Variants in TMEM266 observed in about 807,000 individuals in gnomAD.
TMEM266 encodes Hv1 related protein 1.
Under a neutral mutation model 50.5 loss-of-function variants are expected in TMEM266, and 33 were observed. That is an observed-to-expected ratio of 0.65 (90% CI 0.50 to 0.87). TMEM266 has a LOEUF of 0.87. Among genes scored for constraint, TMEM266 ranks in the 40% least tolerant of loss-of-function variants. The pLI, the probability that TMEM266 is intolerant of heterozygous loss-of-function variation, is 0.00. For missense variants in TMEM266, 655 were observed against 695.1 expected (o/e 0.94, Z 0.65); for synonymous variants, 310 against 292.3 (o/e 1.06, Z -0.62).
intron 1 of TMEM266, among the ~76,000 whole-genome samples, chr15:76,119,692 A>C (rs1474471671): frequency 5.3e-5 from 8 of 152,124 alleles, no homozygotes; most frequent in Admixed American, 5.2e-4. Context: ...ACTTGAACCC[A>C]GGAGGTGGAG....
intron 5 of TMEM266, among the ~76,000 whole-genome samples, chr15:76,167,199 G>C (rs1262924692): frequency 6.6e-6 from 1 of 152,110 alleles, no homozygotes. Context: ...GGCTGGGCGC[G>C]GTGGCTCATG....
intron 1 of TMEM266, among the ~76,000 whole-genome samples, chr15:76,079,533 T>C (rs1402162386): frequency 6.6e-6 from 1 of 150,382 alleles, no homozygotes; most frequent in African/African-American, 2.4e-5. Flanking sequence ...CTCACGCCTG[T>C]AGTCCCAGAA....
intron 1 of TMEM266, among the ~76,000 whole-genome samples, chr15:76,109,562 T>A (rs77787348): frequency 6.6e-6 from 1 of 152,132 alleles, no homozygotes; most frequent in African/African-American, 2.4e-5. Flanking sequence ...CATGGGAGGC[T>A]GAGGCAGGAG....
chr15:76,114,835 C>A (rs1016276122), intron 1 of TMEM266, among the ~76,000 whole-genome samples: 18 of 152,218 alleles, frequency 1.2e-4, no homozygotes, highest in African/African-American at 4.3e-4. Flanking sequence ...CTCTCTCCCA[C>A]CAGTCCCTGT....
At chr15:76,155,156 C>T (rs1021444965) in intron 3 of TMEM266, among the ~76,000 whole-genome samples, 3 of 152,196 alleles carry the variant, frequency 2.0e-5, no homozygotes, top group Non-Finnish European at 4.4e-5. Flanking sequence ...AGCCTTCACT[C>T]GGGGCCCCAG....
At chr15:76,118,564 A>C (rs747416946) in intron 1 of TMEM266, among the ~76,000 whole-genome samples, 6 of 152,210 alleles carry the variant, frequency 3.9e-5, no homozygotes, top group Admixed American at 2.0e-4. Context: ...GTCTCAAAAA[A>C]TAAAGGAAGG....
intron 1 of TMEM266, among the ~76,000 whole-genome samples, chr15:76,069,301 T>A (rs1431804733): frequency 2.0e-5 from 3 of 151,956 alleles, no homozygotes; most frequent in African/African-American, 7.3e-5. Context: ...AAGGAATAGA[T>A]CAAAGGACAG....
intron 9 of TMEM266, among the ~76,000 whole-genome samples, chr15:76,197,940 T>C (rs1039774383): frequency 2.0e-5 from 3 of 152,244 alleles, no homozygotes; most frequent in African/African-American, 7.2e-5. Flanking sequence ...TTGGCACCGC[T>C]GCACTTGACG....
chr15:76,060,055 C>G (rs1178405564), intron 1 of TMEM266, 39 bp downstream of exon 1: 3 of 149,428 alleles, frequency 2.0e-5, no homozygotes, highest in Admixed American at 2.0e-4. Flanking sequence ...AGAGCTTCCC[C>G]TGCCTCACTG....
chr15:76,202,452 C>T (rs2038763651), intron 10 of TMEM266, among the ~76,000 whole-genome samples, 188 bp downstream of exon 10: 1 of 152,296 alleles, frequency 6.6e-6, no homozygotes, highest in East Asian at 1.9e-4. Flanking sequence ...AGCTGGGGGT[C>T]CCCAGGGGCT....
At chr15:76,068,457 A>G (rs1330446940) in intron 1 of TMEM266, among the ~76,000 whole-genome samples, 1 of 152,210 alleles carries the variant, frequency 6.6e-6, no homozygotes, top group African/African-American at 2.4e-5. Context: ...TATCCAATAC[A>G]GTGGACTGAG....
Position 76,091,714 on chromosome 15 carries a change from C to T in TMEM266, c.-97+31698C>T, listed in dbSNP as rs144693910. On this transcript the variant is annotated intron_variant, in intron 1 of 10. Transcript: ENST00000388942. The stretch of plus-strand genomic sequence containing the variant: ...TAAAGAAAAACCTATGGAGGCTGGG[C>T]GCAGTGGCTCACACCTGTAATCCCA... Among the ~76,000 whole-genome samples, 72 of 149,950 alleles carry T rather than the reference C, an allele frequency of 4.8e-4. No individual in the cohort carries two copies. In the East Asian group the frequency reaches 0.013, roughly 27 times the overall value.
chr15:76,200,707 TG>T (rs1258314010), intron 9 of TMEM266, among the ~76,000 whole-genome samples: 2 of 152,164 alleles, frequency 1.3e-5, no homozygotes, highest in Non-Finnish European at 2.9e-5. Context: ...CAGTTACCCC[TG>T]GCTTCCCAGG....
chr15:76,197,064 C>T lies in TMEM266; in HGVS notation c.958+4907C>T, dbSNP rs114225340. Among the ~76,000 whole-genome samples, 635 of 152,318 alleles carry T rather than the reference C, an allele frequency of 4.2e-3. 7 individuals are homozygous for T. The highest frequency in any genetic ancestry group is 0.015 in the African/African-American group (608 of 41,572). On this transcript the variant is annotated intron_variant, in intron 9 of 10. Coordinates refer to ENST00000388942, the MANE Select transcript of TMEM266 (RefSeq NM_152335.3). ...CTGCTGCAGCATCCAGAGACACTGC[C>T]GCAGGGGTGCATGCGGCCAGCCTGC...
At chr15:76,180,664 AGTGTAGTGGCGCCATCTTGGCTCACTGC>A (rs777839963) in intron 8 of TMEM266, among the ~76,000 whole-genome samples, 267 of 115,992 alleles carry the variant, frequency 2.3e-3, no homozygotes, top group Non-Finnish European at 3.1e-3. Flanking sequence ...CCCAGGCTGG[AGTGTAGTGGCGCCATCTTGGCTCACTGC>A]AACCTCCACC....
intron 1 of TMEM266, among the ~76,000 whole-genome samples, chr15:76,125,223 T>G (rs1041926160): frequency 1.3e-5 from 2 of 152,088 alleles, no homozygotes; most frequent in African/African-American, 2.4e-5. Context: ...TGCTTGACAT[T>G]GGTCTTGGCA....
intron 8 of TMEM266, among the ~76,000 whole-genome samples, chr15:76,177,273 G>A (rs970502536): frequency 5.3e-5 from 8 of 152,240 alleles, no homozygotes; most frequent in African/African-American, 1.7e-4. Flanking sequence ...AGCACTCCGC[G>A]CGTTGTAGGT....
intron 9 of TMEM266, among the ~76,000 whole-genome samples, chr15:76,198,437 G>C (rs2038688856): frequency 6.6e-6 from 1 of 152,202 alleles, no homozygotes; most frequent in Non-Finnish European, 1.5e-5. Flanking sequence ...GAGGCCAACA[G>C]TGTGGCCCAT....
intron 1 of TMEM266, among the ~76,000 whole-genome samples, chr15:76,073,410 T>C (rs1056198367): frequency 1.3e-5 from 2 of 152,084 alleles, no homozygotes; most frequent in Admixed American, 6.5e-5. Flanking sequence ...TTTTTGTATT[T>C]TTAGTAGAGA....
Sources: allele counts gnomAD v4.1 joint callset (sites outside exome capture counted in the v4.1 genomes callset), GRCh38; gene constraint gnomAD v4.1.1; transcripts MANE v1.5; gene names NCBI Gene and HGNC (gene_info 2026-07-23, HGNC 2026-07-21).